Variants in ZNF777 observed in about 807,000 individuals in gnomAD.
ZNF777 encodes zinc finger protein 777.
In ZNF777, 7 loss-of-function variants were observed where a neutral mutation model predicts 72.1. The ratio of observed to expected loss-of-function variants is 0.10; its 90% CI spans 0.06 to 0.18. ZNF777 has a LOEUF of 0.18. ZNF777 is among the 10% of genes least tolerant of loss of function. The pLI, the probability that ZNF777 is intolerant of heterozygous loss-of-function variation, is 1.00. For missense variants in ZNF777, 828 were observed against 1,128.6 expected, an observed-to-expected ratio of 0.73 and a Z score of 3.82; for synonymous variants, 545 against 483.5, an observed-to-expected ratio of 1.13 and a Z score of -1.67.
At chr7:149,434,646 G>A (rs925178369) in intron 5 of ZNF777, among the ~76,000 whole-genome samples, 14 of 151,738 alleles carry the variant, frequency 9.2e-5, no homozygotes, top group South Asian at 2.1e-4. Flanking sequence ...GCAGTGGCAC[G>A]ATCTCGGTTG....
chr7:149,458,750 C>T (rs981096925), intron 1 of ZNF777, among the ~76,000 whole-genome samples: 1 of 152,218 alleles, frequency 6.6e-6, no homozygotes, highest in East Asian at 1.9e-4. Flanking sequence ...TTAATCCATC[C>T]CGGTAAACCT....
At chr7:149,459,482 C>T (rs1366410494) in intron 1 of ZNF777, among the ~76,000 whole-genome samples, 3 of 152,156 alleles carry the variant, frequency 2.0e-5, no homozygotes, top group African/African-American at 7.2e-5. Flanking sequence ...GCGGAGATGC[C>T]CAGCTGGGCG....
intron 5 of ZNF777, among the ~76,000 whole-genome samples, chr7:149,433,504 A>T (rs1235305792): frequency 6.6e-6 from 1 of 152,092 alleles, no homozygotes; most frequent in African/African-American, 2.4e-5. Flanking sequence ...AGACCGGCCC[A>T]CTTCTTTCTT....
intron 5 of ZNF777, among the ~76,000 whole-genome samples, chr7:149,434,705 C>G (rs1799383254): frequency 6.6e-6 from 1 of 152,110 alleles, no homozygotes; most frequent in Non-Finnish European, 1.5e-5. Context: ...GCCTCAGCCT[C>G]CCGAGTAGCT....
Position 149,436,046 on chromosome 7 carries a change from C to T in ZNF777, c.1339+529G>A, listed in dbSNP as rs1799404929. On this transcript the variant is annotated intron_variant, in intron 5 of 5. Coordinates refer to ENST00000247930, the MANE Select transcript of ZNF777 (RefSeq NM_015694.3). This position sits in a 1 kb window ranked among gnomAD's most constrained non-coding sequence, Gnocchi z 5.0. ...GATCAGGCCACCGTGAGCCCCAGTG[C>T]CTTACTGTTCTTGAACTCAGAAGGA... Among the ~76,000 whole-genome samples the T allele has an allele frequency of 1.3e-5, 2 of 152,176 alleles. No individual in the cohort carries two copies. Among genetic ancestry groups the T allele is most frequent in the Non-Finnish European group, 2.9e-5 (2 of 68,038 alleles).
chr7:149,455,866 G>C lies in ZNF777; in HGVS notation c.157C>G (p.Gln53Glu). The change falls in exon 2 of 6, where the codon CAA becomes GAA. Residue 53 changes from glutamine (Q) to glutamate (E), a missense_variant. Gln to Glu is a conservative substitution (Grantham distance 29, BLOSUM62 2). Coordinates refer to ENST00000247930, the MANE Select transcript of ZNF777 (RefSeq NM_015694.3). The surrounding 1 kb of genome is among the most constrained non-coding windows in gnomAD (Gnocchi z 4.2). ...CTGGAAGTTTGGGGCAGGGAGCCTT[G>C]ACGGGGAATGGTGGGAGACAAAGAA... Reference protein sequence around the residue: ...IPSLSPTIPRQGSLPQTSSAP... With the variant: ...IPSLSPTIPREGSLPQTSSAP... The C allele has an allele frequency of 6.2e-7, 1 of 1,614,022 alleles. No homozygotes were observed. Among genetic ancestry groups the C allele is most frequent in the South Asian group, 1.1e-5 (1 of 91,068 alleles).
intron 1 of ZNF777, among the ~76,000 whole-genome samples, chr7:149,457,104 G>A (rs1279005282): frequency 6.6e-6 from 1 of 152,162 alleles, no homozygotes; most frequent in Non-Finnish European, 1.5e-5. Context: ...TCCAGATTTG[G>A]GGGGACTAGA....
At chr7:149,447,866 G>A (rs188114258) in intron 4 of ZNF777, among the ~76,000 whole-genome samples, 1 of 142,894 alleles carries the variant, frequency 7.0e-6, no homozygotes, top group South Asian at 2.1e-4. Flanking sequence ...TTTCATCTGT[G>A]GGGGGTGTTT....
chr7:149,432,517 G>A lies in ZNF777; in HGVS notation c.1755C>T (p.His585=). ...ECAECEISFR[H]KQQLTLHQRI... ...GCTGGTGCAGCGTGAGCTGTTGCTT[G>A]TGCCGGAAGCTGATCTCGCATTCGG... The change falls in exon 6 of 6, where the codon CAC becomes CAT. Residue 585 remains histidine, a synonymous_variant. Transcript: ENST00000247930. The A allele has an allele frequency of 6.2e-7, 1 of 1,613,884 alleles. No individual in the cohort carries two copies. Among genetic ancestry groups the A allele is most frequent in the Non-Finnish European group, 8.5e-7 (1 of 1,179,878 alleles).
chr7:149,437,532 C>A (rs1031398817), intron 4 of ZNF777, among the ~76,000 whole-genome samples: 8 of 152,158 alleles, frequency 5.3e-5, no homozygotes, highest in African/African-American at 1.9e-4. Flanking sequence ...TTACGCACTG[C>A]CCTGAAATTT....
At chr7:149,449,175 C>T (rs753582063) in intron 4 of ZNF777, among the ~76,000 whole-genome samples, 4 of 152,172 alleles carry the variant, frequency 2.6e-5, no homozygotes, top group Admixed American at 6.5e-5. Context: ...CACAGAGGTG[C>T]GAGTGTGCGG....
intron 3 of ZNF777, 117 bp downstream of exon 3, chr7:149,453,994 C>T (rs1799775129): frequency 5.4e-6 from 8 of 1,469,014 alleles, no homozygotes; most frequent in Non-Finnish European, 7.4e-6. Flanking sequence ...ATCTCTACAA[C>T]TCTGTTCTCC....
intron 5 of ZNF777, among the ~76,000 whole-genome samples, chr7:149,433,788 ACT>A (rs1799366348): frequency 6.6e-6 from 1 of 152,002 alleles, no homozygotes; most frequent in Non-Finnish European, 1.5e-5. Flanking sequence ...TGCCCCCTCA[ACT>A]CTCTAGCCTG....
chr7:149,446,791 G>GC (rs1186354039), intron 4 of ZNF777, among the ~76,000 whole-genome samples: 11 of 151,332 alleles, frequency 7.3e-5, no homozygotes. Context: ...CTACTTCCTC[G>GC]CCTCCCACCT....
chr7:149,450,121 G>A (rs914571310), intron 4 of ZNF777, among the ~76,000 whole-genome samples: 2 of 152,108 alleles, frequency 1.3e-5, no homozygotes, highest in South Asian at 4.1e-4. Flanking sequence ...ATGTTCACAC[G>A]CCACACCTGC....
chr7:149,441,747 G>A (rs1415802693), intron 4 of ZNF777, among the ~76,000 whole-genome samples: 2 of 152,104 alleles, frequency 1.3e-5, no homozygotes, highest in African/African-American at 4.8e-5. Context: ...GTGATATAAT[G>A]CTATATTTTT....
At chr7:149,454,635 A>G (rs1412607370) in intron 2 of ZNF777, among the ~76,000 whole-genome samples, 1 of 152,266 alleles carries the variant, frequency 6.6e-6, no homozygotes, top group Non-Finnish European at 1.5e-5. Context: ...AGGGGGCAGC[A>G]GCACTGAAGA....
rs1799694308 is a variant in ZNF777 at position 149,450,561 on chromosome 7, A to C, written c.1087+438T>G. 3.3e-5 allele frequency among the ~76,000 whole-genome samples: 5 copies of C among 152,218 alleles called. No individual in the cohort carries two copies. In the South Asian group the frequency reaches 1.0e-3, roughly 32 times the overall value. On this transcript the variant is annotated intron_variant, in intron 4 of 5. Transcript: ENST00000247930. ...GTGCATATCTGCTGACTCCACCTACATGCTGTCCTGCTGAAGCTGTGCATG... is the reference window on the plus strand; with the variant it reads ...GTGCATATCTGCTGACTCCACCTACCTGCTGTCCTGCTGAAGCTGTGCATG...
At chr7:149,443,084 A>G (rs866120660) in intron 4 of ZNF777, among the ~76,000 whole-genome samples, 2 of 152,228 alleles carry the variant, frequency 1.3e-5, no homozygotes, top group South Asian at 2.1e-4. Context: ...CAAGTGCATG[A>G]AGATCTATTT....
Sources: allele counts gnomAD v4.1 joint callset (sites outside exome capture counted in the v4.1 genomes callset), GRCh38; gene constraint gnomAD v4.1.1; non-coding constraint Gnocchi (gnomAD v3.1); transcripts MANE v1.5; gene names NCBI Gene and HGNC (gene_info 2026-07-23, HGNC 2026-07-21).